Variants in AGMO observed in about 807,000 individuals in gnomAD.
The protein encoded by AGMO is glyceryl-ether monooxygenase.
AGMO carries 75 observed loss-of-function variants against 60.2 expected under a neutral mutation model. The observed-to-expected ratio is 1.25, with a 90% CI of 1.03 to 1.51. The LOEUF (loss-of-function observed/expected upper bound fraction) is 1.51. AGMO is among the 40% of genes most tolerant of loss of function. AGMO has a pLI of 0.00. For synonymous variants in AGMO, 261 were observed against 177.1 expected (o/e 1.47, Z -3.76); for missense variants, 763 against 525.5 (o/e 1.45, Z -4.42).
intron 12 of AGMO, among the ~76,000 whole-genome samples, chr7:15,216,833 A>AGT (rs1181410197): frequency 0.08 from 11,714 of 146,854 alleles, 526 homozygotes; most frequent in African/African-American, 0.11. Context: ...TGAAAGAAAA[A>AGT]GTGTGTGTGT....
rs1040960413 is a variant in AGMO at position 15,327,532 on chromosome 7, T to C, written c.1263+37982A>G. ...TCAGCCACCAAATTAGGACCACACATCCATAAATATTAGACAACTGAGAAA... is the reference window on the plus strand; with the variant it reads ...TCAGCCACCAAATTAGGACCACACACCCATAAATATTAGACAACTGAGAAA... On this transcript the variant is annotated intron_variant, in intron 12 of 12. Coordinates refer to ENST00000342526, the MANE Select transcript of AGMO (RefSeq NM_001004320.2). Among the ~76,000 whole-genome samples, 2 of 151,832 alleles carry C rather than the reference T, an allele frequency of 1.3e-5. 1 individual carries two copies. The highest frequency in any genetic ancestry group is 2.9e-5 in the Non-Finnish European group (2 of 67,976).
At chr7:15,343,676 T>G (rs1781936405) in intron 12 of AGMO, among the ~76,000 whole-genome samples, 1 of 152,160 alleles carries the variant, frequency 6.6e-6, no homozygotes, top group South Asian at 2.1e-4. Flanking sequence ...TGTATATTCT[T>G]GAAAATGACA....
intron 12 of AGMO, among the ~76,000 whole-genome samples, chr7:15,204,380 A>G (rs1368631331): frequency 2.0e-5 from 3 of 152,190 alleles, no homozygotes; most frequent in Non-Finnish European, 4.4e-5. Flanking sequence ...ATAGTTCATT[A>G]ACACATTTCT....
intron 12 of AGMO, among the ~76,000 whole-genome samples, chr7:15,316,599 C>G (rs10250451): frequency 0.028 from 2,750 of 98,700 alleles, 68 homozygotes; most frequent in African/African-American, 0.12. Flanking sequence ...ACTGCCTTTC[C>G]CAACAAATAT....
chr7:15,180,581 C>T, the AGMO span, among the ~76,000 whole-genome samples: 1 of 151,914 alleles, frequency 6.6e-6, no homozygotes, highest in Admixed American at 6.6e-5. Context: ...AAGATTTAGA[C>T]TTTCCCTACT....
At chr7:15,456,610 A>G (rs1782005308) in intron 3 of AGMO, among the ~76,000 whole-genome samples, 1 of 152,176 alleles carries the variant, frequency 6.6e-6, no homozygotes, top group Admixed American at 6.6e-5. Context: ...GAGTAAGGAA[A>G]TAGTTCGCTC....
intron 12 of AGMO, among the ~76,000 whole-genome samples, chr7:15,258,303 C>A (rs1325346445): frequency 6.6e-6 from 1 of 151,732 alleles, no homozygotes; most frequent in Non-Finnish European, 1.5e-5. Flanking sequence ...GTATACTTTT[C>A]TTTTTTTGGG....
At chr7:15,313,248 C>G (rs186843656) in intron 12 of AGMO, among the ~76,000 whole-genome samples, 2 of 152,152 alleles carry the variant, frequency 1.3e-5, no homozygotes, top group Admixed American at 1.3e-4. Flanking sequence ...AATAACATCC[C>G]CCATCATTGA....
intron 12 of AGMO, among the ~76,000 whole-genome samples, chr7:15,299,877 ACACACACAC>A (rs752488884): frequency 0.053 from 7,322 of 139,314 alleles, 594 homozygotes; most frequent in African/African-American, 0.17. Context: ...ACACACACAC[ACACACACAC>A]AGTATGTTTT....
intron 6 of AGMO, 139 bp downstream of exon 6, chr7:15,393,974 T>C (rs185614914): frequency 4.7e-5 from 16 of 341,808 alleles, no homozygotes; most frequent in African/African-American, 2.9e-4. Context: ...CCAAAGAAGA[T>C]AGAAAAGAAG....
intron 12 of AGMO, among the ~76,000 whole-genome samples, chr7:15,364,831 C>T (rs184685691): frequency 6.6e-6 from 1 of 152,100 alleles, no homozygotes; most frequent in African/African-American, 2.4e-5. Flanking sequence ...TTATACATTG[C>T]ACATTCTGGT....
intron 12 of AGMO, among the ~76,000 whole-genome samples, chr7:15,258,008 C>T (rs764874047): frequency 6.6e-6 from 1 of 152,054 alleles, no homozygotes; most frequent in Non-Finnish European, 1.5e-5. Flanking sequence ...TATGAAAACT[C>T]AGAATAATAA....
chr7:15,429,756 A>G (rs901300006), intron 4 of AGMO, among the ~76,000 whole-genome samples: 3 of 152,018 alleles, frequency 2.0e-5, no homozygotes, highest in Admixed American at 1.3e-4. Context: ...GTTAGCACAC[A>G]TGCCAGTGTA....
At chr7:15,374,605 A>AAT (rs36124390) in intron 10 of AGMO, among the ~76,000 whole-genome samples, 62,424 of 151,748 alleles carry the variant, frequency 0.41, 13,340 homozygotes, top group East Asian at 0.7. Flanking sequence ...AAACAATAGC[A>AAT]ATATATCTGA....
intron 12 of AGMO, 85 bp downstream of exon 12, chr7:15,365,429 G>C (rs984606438): frequency 7.1e-6 from 4 of 566,286 alleles, no homozygotes; most frequent in Admixed American, 6.4e-5. Flanking sequence ...GGTCAGAAAT[G>C]AAGTAGAGAA....
chr7:15,510,587 T>C (rs1783645566), intron 3 of AGMO, among the ~76,000 whole-genome samples: 1 of 149,802 alleles, frequency 6.7e-6, no homozygotes, highest in Non-Finnish European at 1.5e-5. Context: ...ATGACATATA[T>C]AACATAGAAA....
intron 12 of AGMO, chr7:15,306,582 A>G (rs775798008): frequency 3.7e-5 from 16 of 437,840 alleles, no homozygotes; most frequent in Non-Finnish European, 6.0e-5. Flanking sequence ...AAAAAAAAAA[A>G]AGCATTACAA....
At chr7:15,475,826 T>G (rs1782580574) in intron 3 of AGMO, among the ~76,000 whole-genome samples, 1 of 152,030 alleles carries the variant, frequency 6.6e-6, no homozygotes, top group Non-Finnish European at 1.5e-5. Context: ...GTAAAATTAT[T>G]TGAAAGTAGG....
At chr7:15,376,336 G>A (rs1783449075) in intron 10 of AGMO, among the ~76,000 whole-genome samples, 1 of 152,032 alleles carries the variant, frequency 6.6e-6, no homozygotes, top group Admixed American at 6.6e-5. Context: ...AATTTGTGCA[G>A]GTGGCACTCT....
Sources: allele counts gnomAD v4.1 joint callset (sites outside exome capture counted in the v4.1 genomes callset), GRCh38; gene constraint gnomAD v4.1.1; transcripts MANE v1.5; gene names NCBI Gene and HGNC (gene_info 2026-07-23, HGNC 2026-07-21).